VEPH1: variants seen among roughly 807,000 people sequenced by gnomAD.
VEPH1 encodes the protein ventricular zone expressed PH domain containing 1.
VEPH1 carries 80 observed loss-of-function variants against 85.2 expected under a neutral mutation model. The observed-to-expected ratio is 0.94, with a 90% CI of 0.78 to 1.13. The LOEUF (loss-of-function observed/expected upper bound fraction) is 1.13, where lower values mean the gene tolerates loss of function less well. VEPH1 is among the 50% of genes most tolerant of loss of function. The pLI, the probability that VEPH1 is intolerant of heterozygous loss-of-function variation, is 0.00. For missense variants in VEPH1, 955 were observed against 980.5 expected (o/e 0.97, Z 0.35); for synonymous variants, 297 against 348.0 (o/e 0.85, Z 1.63).
intron 11 of VEPH1, among the ~76,000 whole-genome samples, chr3:157,301,199 G>A (rs991257126): frequency 1.3e-5 from 2 of 152,132 alleles, no homozygotes; most frequent in Non-Finnish European, 2.9e-5. Flanking sequence ...TGCCCTAGTG[G>A]CTATTGTCCT....
chr3:157,324,099 G>A (rs1330962041), intron 9 of VEPH1, among the ~76,000 whole-genome samples: 2 of 152,124 alleles, frequency 1.3e-5, no homozygotes, highest in African/African-American at 4.8e-5. Flanking sequence ...CTGTTGCCCA[G>A]GCTGGAGTAC....
chr3:157,360,779 T>C (rs2108761135), intron 9 of VEPH1, among the ~76,000 whole-genome samples: 1 of 152,266 alleles, frequency 6.6e-6, no homozygotes, highest in East Asian at 1.9e-4. Flanking sequence ...TGAATGTATA[T>C]GGCTTTTGCA....
intron 2 of VEPH1, among the ~76,000 whole-genome samples, chr3:157,486,067 TGA>T (rs1266646500): frequency 6.6e-6 from 1 of 152,154 alleles, no homozygotes; most frequent in African/African-American, 2.4e-5. Flanking sequence ...GCAAACTTAT[TGA>T]GGATATACAA....
At chr3:157,432,973 C>G (rs1232282181) in intron 4 of VEPH1, among the ~76,000 whole-genome samples, 1 of 151,914 alleles carries the variant, frequency 6.6e-6, no homozygotes, top group Non-Finnish European at 1.5e-5. Context: ...CTTAGGTATC[C>G]CATAGCTATT....
chr3:157,382,581 CTTG>C (rs1014946175), intron 6 of VEPH1, among the ~76,000 whole-genome samples: 2 of 151,840 alleles, frequency 1.3e-5, no homozygotes, highest in Admixed American at 6.6e-5. Flanking sequence ...AAAATTTTTT[CTTG>C]TTAGTATAGT....
chr3:157,304,038 T>TATATATATATATATATACACACACACAC lies in VEPH1; in HGVS notation c.2010+9582_2010+9583insGTGTGTGTGTGTATATATATATATATAT. Among the ~76,000 whole-genome samples the TATATATATATATATATACACACACACAC allele has an allele frequency of 4.5e-3, 431 of 96,848 alleles. 14 individuals are homozygous for TATATATATATATATATACACACACACAC. The highest frequency in any genetic ancestry group is 8.7e-3 in the African/African-American group (283 of 32,662). The allele number at this position is 96,848 out of a possible 152,430, so 63.5% of individuals were successfully genotyped here. A position where few individuals can be genotyped will look rare whatever the true frequency, so the allele number is the denominator to read the frequency against. On this transcript the variant is annotated intron_variant, in intron 11 of 13. Transcript: ENST00000362010. ...CTTATATTTTTTATATATATATATATACACACATACTGTTACATCTTATAT... is the reference window on the plus strand; with the variant it reads ...CTTATATTTTTTATATATATATATATATATATATATATATATACACACACACACACACACATACTGTTACATCTTATAT...
chr3:157,313,076 T>C lies in VEPH1; in HGVS notation c.2010+545A>G, dbSNP rs575758173. On this transcript the variant is annotated intron_variant, in intron 11 of 13. Coordinates refer to ENST00000362010, the MANE Select transcript of VEPH1 (RefSeq NM_001167912.2). ...CCCGCTACCACGCCCGGCTAATTTT[T>C]TGTATTTTTAGTAGAGACGGGGTTT... Among the ~76,000 whole-genome samples the C allele has an allele frequency of 5.9e-5, 9 of 151,578 alleles. No homozygotes were observed. The South Asian group carries it at 1.9e-3, about 32-fold the overall frequency.
At chr3:157,459,717 G>A (rs1373725861) in intron 4 of VEPH1, 1 of 1,414,762 alleles carries the variant, frequency 7.1e-7, no homozygotes, top group African/African-American at 1.4e-5. Flanking sequence ...ATTTATGCTT[G>A]TTATCCAAAT....
At chr3:157,464,948 G>A (rs2109404153) in intron 3 of VEPH1, among the ~76,000 whole-genome samples, 1 of 152,234 alleles carries the variant, frequency 6.6e-6, no homozygotes, top group Non-Finnish European at 1.5e-5. Flanking sequence ...CATATAAAAT[G>A]GTTCATTCTT....
rs1409057722 is a variant in VEPH1, at chr3:157,437,988, C to T, written c.530-9500G>A. 3.4e-6 allele frequency: 5 copies of T among 1,485,692 alleles called. No homozygotes were observed. The African/African-American group carries it at 4.3e-5, about 13-fold the overall frequency. 92.0% of individuals were successfully genotyped at this position (1,485,692 alleles called of 1,614,324 possible). On this transcript the variant is annotated intron_variant, in intron 4 of 13. Transcript: ENST00000362010. Reference sequence around the variant, plus strand: ...GAGCGCGCGTAACGGCAAGCCAAGCCAGGCAACCTTCTAGGGGAAGCTTTC... The same window carrying T: ...GAGCGCGCGTAACGGCAAGCCAAGCTAGGCAACCTTCTAGGGGAAGCTTTC...
intron 9 of VEPH1, among the ~76,000 whole-genome samples, chr3:157,362,124 G>A (rs1024491769): frequency 1.3e-5 from 2 of 151,840 alleles, no homozygotes; most frequent in Admixed American, 1.3e-4. Context: ...TCCACCTCTC[G>A]GGCTCAAGCC....
chr3:157,447,631 G>A (rs1320731709), intron 4 of VEPH1, among the ~76,000 whole-genome samples: 1 of 134,132 alleles, frequency 7.5e-6, no homozygotes, highest in Non-Finnish European at 1.5e-5. Flanking sequence ...GTCTCACTCT[G>A]TCTCCCAGGC....
chr3:157,488,618 T>C (rs1359596470), intron 2 of VEPH1, among the ~76,000 whole-genome samples: 1 of 151,818 alleles, frequency 6.6e-6, no homozygotes, highest in Non-Finnish European at 1.5e-5. Flanking sequence ...ACTTTCTGTC[T>C]GCACTCACTC....
chr3:157,477,645 A>G (rs1340586501), intron 2 of VEPH1, among the ~76,000 whole-genome samples: 2 of 152,182 alleles, frequency 1.3e-5, no homozygotes, highest in Non-Finnish European at 2.9e-5. Context: ...AAGAGGCAAT[A>G]AAACACAAAG....
At chr3:157,363,202 G>GAAAAA in intron 9 of VEPH1, 162 bp downstream of exon 9, 38 of 465,714 alleles carry the variant, frequency 8.2e-5, no homozygotes, top group Admixed American at 1.3e-4. Flanking sequence ...CTTTTCTTGG[G>GAAAAA]AAAAAAAAAA....
At chr3:157,495,973 G>C (rs1163555412) in intron 1 of VEPH1, among the ~76,000 whole-genome samples, 1 of 152,182 alleles carries the variant, frequency 6.6e-6, no homozygotes, top group Non-Finnish European at 1.5e-5. Flanking sequence ...TTACCTCTTG[G>C]TTGGGCTGCC....
At chr3:157,370,579 G>A (rs559508190) in intron 7 of VEPH1, among the ~76,000 whole-genome samples, 29 of 152,294 alleles carry the variant, frequency 1.9e-4, no homozygotes, top group Non-Finnish European at 3.4e-4. Flanking sequence ...AAATAATGCT[G>A]CTGGAACACC....
chr3:157,479,493 G>A (rs2109569225), intron 2 of VEPH1, among the ~76,000 whole-genome samples: 1 of 152,180 alleles, frequency 6.6e-6, no homozygotes, highest in East Asian at 1.9e-4. Flanking sequence ...AGTCTTCAGG[G>A]AATGGCCCAC....
At chr3:157,370,167 G>A (rs894537602) in intron 7 of VEPH1, among the ~76,000 whole-genome samples, 2 of 152,170 alleles carry the variant, frequency 1.3e-5, no homozygotes, top group African/African-American at 4.8e-5. Flanking sequence ...TTCCCAGGGG[G>A]AGGCCTAATT....
Sources: allele counts gnomAD v4.1 joint callset (sites outside exome capture counted in the v4.1 genomes callset), GRCh38; gene constraint gnomAD v4.1.1; transcripts MANE v1.5; gene names NCBI Gene and HGNC (gene_info 2026-07-23, HGNC 2026-07-21).